Variants in BRCA2 observed in about 807,000 individuals in gnomAD.
BRCA2 encodes BRCA2 DNA repair associated, also known as breast cancer type 2 susceptibility protein.
In BRCA2, 203 loss-of-function variants were observed where a neutral mutation model predicts 276.7. The ratio of observed to expected loss-of-function variants is 0.73; its 90% confidence interval spans 0.65 to 0.82. The LOEUF (loss-of-function observed/expected upper bound fraction) is 0.82, where lower values mean the gene tolerates loss of function less well. Among genes scored for constraint, BRCA2 ranks in the 40% least tolerant of loss-of-function variants. BRCA2 has a pLI of 0.00. For missense variants in BRCA2, 3,920 were observed against 3,915.0 expected, an observed-to-expected ratio of 1.00 and a Z score of -0.03; for synonymous variants, 1,289 against 1,338.4, an observed-to-expected ratio of 0.96 and a Z score of 0.81.
intron 13 of BRCA2, among the ~76,000 whole-genome samples, chr13:32,347,257 T>G (rs1329458626): frequency 2.0e-5 from 3 of 152,142 alleles, no homozygotes; most frequent in African/African-American, 7.2e-5. Context: ...GATAGTTTTT[T>G]TAATGTATAA....
intron 24 of BRCA2, among the ~76,000 whole-genome samples, chr13:32,382,903 A>T (rs879745422): frequency 6.6e-6 from 1 of 152,214 alleles, no homozygotes; most frequent in Non-Finnish European, 1.5e-5. Context: ...GGCCTTAGCT[A>T]GCAGGAGAGA....
chr13:32,358,647 G>A (rs2072717741), intron 16 of BRCA2, among the ~76,000 whole-genome samples: 1 of 150,968 alleles, frequency 6.6e-6, no homozygotes, highest in South Asian at 2.1e-4. Flanking sequence ...TAAAAAATTA[G>A]CCCAGCCAGG....
At chr13:32,335,107 G>A (rs2072437755) in intron 10 of BRCA2, among the ~76,000 whole-genome samples, 1 of 152,172 alleles carries the variant, frequency 6.6e-6, no homozygotes, top group Non-Finnish European at 1.5e-5. Flanking sequence ...ACTTTGGGAG[G>A]CCAAGGCAGG....
rs2073058482 is a variant in BRCA2 at position 32,398,783 on chromosome 13, G to T, written c.*13G>T. On this transcript the variant is annotated 3_prime_UTR_variant, in exon 27 of 27. Coordinates refer to ENST00000380152, the MANE Select transcript of BRCA2 (RefSeq NM_000059.4). Reference sequence around the variant, plus strand: ...AAAATATATCTAAGCATTTGCAAAGGCGACAATAAATTATTGACGCTTAAC... The same window carrying T: ...AAAATATATCTAAGCATTTGCAAAGTCGACAATAAATTATTGACGCTTAAC... 2 of 1,612,842 alleles carry T rather than the reference G, an allele frequency of 1.2e-6. No individual in the cohort carries two copies. Among genetic ancestry groups the T allele is most frequent in the Non-Finnish European group, 1.7e-6 (2 of 1,179,748 alleles).
Position 32,332,596 on chromosome 13 carries a change from A to C in BRCA2, c.1118A>C (p.Gln373Pro), listed in dbSNP as rs2137467818. Reference protein sequence around the residue: ...TDPLDSNVANQKPFESGSDKI... With the variant: ...TDPLDSNVANPKPFESGSDKI... The stretch of plus-strand genomic sequence containing the variant: ...CCATTAGATTCAAATGTAGCAAATC[A>C]GAAGCCCTTTGAGAGTGGAAGTGAC... The change falls in exon 10 of 27, where the codon CAG (glutamine) becomes CCG (proline). Residue 373 changes from glutamine to proline, a missense_variant. By Grantham distance (76) the Gln-to-Pro change is moderately conservative (BLOSUM62 -1). Coordinates refer to ENST00000380152, the MANE Select transcript of BRCA2 (RefSeq NM_000059.4). 1 of 1,614,026 alleles carries C rather than the reference A, an allele frequency of 6.2e-7. No individual in the cohort carries two copies. The highest frequency in any genetic ancestry group is 8.5e-7 in the Non-Finnish European group (1 of 1,179,948).
chr13:32,356,383 T>C (rs2072694389), intron 14 of BRCA2, 45 bp from the exon 15 acceptor site: 1 of 1,594,920 alleles, frequency 6.3e-7, no homozygotes, highest in Non-Finnish European at 8.6e-7. Context: ...GGTTGTGCTT[T>C]TTAAATTTCA....
rs886050113 is a variant in BRCA2, at chr13:32,399,115, A to G, written c.*345A>G. The G allele has an allele frequency of 1.5e-5, 4 of 259,020 alleles. No homozygotes were observed. The highest frequency in any genetic ancestry group is 8.8e-5 in the African/African-American group (4 of 45,290). The allele number at this position is 259,020 out of a possible 1,614,324, so 16.0% of individuals were successfully genotyped here. On this transcript the variant is annotated 3_prime_UTR_variant, in exon 27 of 27. Coordinates refer to ENST00000380152, the MANE Select transcript of BRCA2 (RefSeq NM_000059.4). ...CAGGAGTTCAAGACCAGCCTGGGCA[A>G]CATAGGGAGACCCCCATCTTTACAA...
rs1555281112 is a variant in BRCA2, at chr13:32,326,626, A to G, written c.631+13A>G. On this transcript the variant is annotated intron_variant, in intron 7 of 26. Coordinates refer to ENST00000380152, the MANE Select transcript of BRCA2 (RefSeq NM_000059.4). ...ACTGTGCTCATAGGTAATAATAGCAAATGTGTATTTACAAGAAAGAGCAGA... is the reference window on the plus strand; with the variant it reads ...ACTGTGCTCATAGGTAATAATAGCAGATGTGTATTTACAAGAAAGAGCAGA... 1 of 1,549,350 alleles carries G rather than the reference A, an allele frequency of 6.5e-7. No individual in the cohort carries two copies. The highest frequency in any genetic ancestry group is 1.7e-4 in the Middle Eastern group (1 of 5,922).
intron 9 of BRCA2, 101 bp downstream of exon 9, chr13:32,331,131 T>C (rs1301579082): frequency 1.6e-5 from 13 of 805,620 alleles, no homozygotes; most frequent in African/African-American, 1.6e-4. Flanking sequence ...TGATCTCGGT[T>C]TACCGCAACC....
chr13:32,332,416 C>T lies in BRCA2; in HGVS notation c.938C>T (p.Ser313Phe), dbSNP rs397507428. Residue 313 changes from serine (S) to phenylalanine (F), a missense_variant, in exon 10 of 27, where the codon TCT (serine) becomes TTT (phenylalanine). This residue lies in a region of BRCA2 where 3,263 missense variants were observed against 3,156.9 expected (regional missense o/e 1.03). Coordinates refer to ENST00000380152, the MANE Select transcript of BRCA2 (RefSeq NM_000059.4). ...SEEDSFSLCF[S>F]KCRTKNLQKV... ...GAAGATAGTTTTTCATTATGTTTTT[C>T]TAAATGTAGAACAAAAAATCTACAA... The T allele has an allele frequency of 2.5e-6, 4 of 1,590,552 alleles. No individual in the cohort carries two copies. In the African/African-American group the frequency reaches 5.5e-5, roughly 22 times the overall value.
At position 32,319,240 on chromosome 13, in the gene BRCA2, T is replaced by G. The variant is rs114446594; in HGVS notation, c.231T>G (p.Thr77=). The G allele has an allele frequency of 3.3e-4, 526 of 1,613,746 alleles. 1 individual carries two copies. In the African/African-American group the frequency reaches 6.5e-3, roughly 20 times the overall value. The change falls in exon 3 of 27, where the codon ACT becomes ACG. Residue 77 remains threonine (T), a synonymous_variant. Coordinates refer to ENST00000380152, the MANE Select transcript of BRCA2 (RefSeq NM_000059.4). ...CATCTTATAATCAGCTGGCTTCAAC[T>G]CCAATAATATTCAAAGAGCAAGGGC... is the stretch of plus-strand genomic sequence containing the variant. ...RKPSYNQLAS[T]PIIFKEQGLT...
chr13:32,351,399 A>G (rs145726560), intron 13 of BRCA2, among the ~76,000 whole-genome samples: 4 of 152,322 alleles, frequency 2.6e-5, no homozygotes, highest in African/African-American at 7.2e-5. Context: ...GAAACTCTGG[A>G]CACATCTGAA....
intron 20 of BRCA2, among the ~76,000 whole-genome samples, chr13:32,376,031 C>T (rs777555166): frequency 2.0e-5 from 3 of 152,178 alleles, no homozygotes; most frequent in Admixed American, 1.3e-4. Context: ...GCGAAAATGG[C>T]GCCAGTAGGC....
At chr13:32,373,133 A>G (rs1239869875) in intron 20 of BRCA2, among the ~76,000 whole-genome samples, 1 of 151,768 alleles carries the variant, frequency 6.6e-6, no homozygotes, top group Non-Finnish European at 1.5e-5. Flanking sequence ...CTGGGATTAC[A>G]GGTGTGCACC....
chr13:32,387,669 C>A (rs1302521994), intron 24 of BRCA2, among the ~76,000 whole-genome samples: 1 of 152,172 alleles, frequency 6.6e-6, no homozygotes, highest in Non-Finnish European at 1.5e-5. Flanking sequence ...CACTCCTTGT[C>A]CACTTTTATG....
intron 20 of BRCA2, 74 bp from the exon 21 acceptor site, chr13:32,376,596 T>A (rs2072873389): frequency 6.6e-7 from 1 of 1,522,978 alleles, no homozygotes; most frequent in Non-Finnish European, 9.1e-7. Context: ...TTGGGTGTTT[T>A]ATGCTTGGTT....
intron 10 of BRCA2, 30 bp from the exon 11 acceptor site, chr13:32,336,229 TACTTTA>T (rs1566225745): frequency 6.3e-7 from 1 of 1,578,724 alleles, no homozygotes; most frequent in Non-Finnish European, 8.6e-7. Context: ...TGATTGATGG[TACTTTA>T]ATTTTGTCAC....
At chr13:32,369,513 A>G (rs1412495566) in intron 18 of BRCA2, among the ~76,000 whole-genome samples, 2 of 152,128 alleles carry the variant, frequency 1.3e-5, no homozygotes, top group African/African-American at 4.8e-5. Flanking sequence ...TTTCTCATAT[A>G]CTTTAGTTTT....
At chr13:32,368,420 T>G (rs913547213) in intron 18 of BRCA2, among the ~76,000 whole-genome samples, 9 of 152,226 alleles carry the variant, frequency 5.9e-5, no homozygotes, top group Non-Finnish European at 1.3e-4. Context: ...TTTCTTTTTT[T>G]TGTGACATTC....
Sources: gnomAD v4.1 joint callset for allele counts (sites outside exome capture counted in the v4.1 genomes callset) on GRCh38, gnomAD v4.1.1 for gene constraint, gnomAD v4.1.1 regional missense constraint, MANE v1.5 for transcripts, NCBI Gene and HGNC (gene_info 2026-07-23, HGNC 2026-07-21) for gene names.